Variants in SEMA4D observed in about 807,000 individuals in gnomAD.
The protein encoded by SEMA4D is semaphorin 4D.
Under a neutral mutation model 74.8 loss-of-function variants are expected in SEMA4D, and 22 were observed. The ratio of observed to expected loss-of-function variants is 0.29; its 90% CI spans 0.21 to 0.42. The LOEUF (loss-of-function observed/expected upper bound fraction) is 0.42. Ranked by LOEUF, SEMA4D falls within the 10% of genes least tolerant of loss-of-function variation. The pLI, the probability that SEMA4D is intolerant of heterozygous loss-of-function variation, is 1.00. For missense variants in SEMA4D, 937 were observed against 1,118.4 expected (o/e 0.84, Z 2.31); for synonymous variants, 445 against 463.7 (o/e 0.96, Z 0.52).
Position 89,456,958 on chromosome 9 carries a change from T to C in SEMA4D, c.-309-1005A>G, listed in dbSNP as rs568112745. Among the ~76,000 whole-genome samples the C allele has an allele frequency of 3.9e-5, 6 of 152,230 alleles. No individual in the cohort carries two copies. The East Asian group carries it at 1.2e-3, about 29-fold the overall frequency. On this transcript the variant is annotated intron_variant, in intron 1 of 15. Coordinates refer to ENST00000422704, the MANE Select transcript of SEMA4D (RefSeq NM_001371194.2). ...AATGCCCCTGCATTAAGGAGAAACA[T>C]GAATCAACACTCTGAGAAAATGCAA... is the stretch of plus-strand genomic sequence containing the variant.
chr9:89,461,700 C>CTTTTTTTTTTTTTTTTTTTTTT (rs61696689), intron 1 of SEMA4D, among the ~76,000 whole-genome samples: 1 of 103,660 alleles, frequency 9.6e-6, no homozygotes, highest in Admixed American at 1.1e-4. Flanking sequence ...TCTTTTTTCT[C>CTTTTTTTTTTTTTTTTTTTTTT]TTTTTTTTTT....
intron 1 of SEMA4D, among the ~76,000 whole-genome samples, chr9:89,487,962 C>G (rs1188905046): frequency 6.6e-6 from 1 of 152,164 alleles, no homozygotes; most frequent in Non-Finnish European, 1.5e-5. Flanking sequence ...TGGCCAAAAT[C>G]CAAGCAGGCT....
At chr9:89,399,707 G>A (rs1330493424) in intron 4 of SEMA4D, among the ~76,000 whole-genome samples, 1 of 152,028 alleles carries the variant, frequency 6.6e-6, no homozygotes, top group Non-Finnish European at 1.5e-5. Flanking sequence ...CATTCAAAGT[G>A]ACTCTACAGG....
At chr9:89,443,078 C>G (rs1852018213) in intron 2 of SEMA4D, among the ~76,000 whole-genome samples, 1 of 152,284 alleles carries the variant, frequency 6.6e-6, no homozygotes, top group East Asian at 1.9e-4. Context: ...CTGAAGCCTC[C>G]CAGGAGGAAG....
intron 2 of SEMA4D, among the ~76,000 whole-genome samples, chr9:89,420,841 T>A (rs1215276078): frequency 6.6e-6 from 1 of 152,258 alleles, no homozygotes; most frequent in Admixed American, 6.5e-5. Flanking sequence ...ATACTAATAC[T>A]GCCTGTCTCA....
chr9:89,377,338 A>G lies in SEMA4D; in HGVS notation c.*1366T>C, dbSNP rs1835956507. 3.0e-6 allele frequency: 1 copy of G among 333,140 alleles called. No homozygotes were observed. The highest frequency in any genetic ancestry group is 4.9e-5 in the Admixed American group (1 of 20,352). The allele number at this position is 333,140 out of a possible 1,614,324, so 20.6% of individuals were successfully genotyped here. A position where few individuals can be genotyped will look rare whatever the true frequency, so the allele number is the denominator to read the frequency against. On this transcript the variant is annotated 3_prime_UTR_variant, in exon 16 of 16. Coordinates refer to ENST00000422704, the MANE Select transcript of SEMA4D (RefSeq NM_001371194.2). Reference sequence around the variant, plus strand: ...AATCTTATAAAACACAAATGTTTACACCAAAATGGTCAAATCCTATCATGC... The same window carrying G: ...AATCTTATAAAACACAAATGTTTACGCCAAAATGGTCAAATCCTATCATGC...
At chr9:89,441,962 G>A (rs532201011) in intron 2 of SEMA4D, among the ~76,000 whole-genome samples, 17 of 152,334 alleles carry the variant, frequency 1.1e-4, no homozygotes, top group African/African-American at 3.1e-4. Flanking sequence ...CCATGGCTGT[G>A]TTTACACATT....
intron 4 of SEMA4D, among the ~76,000 whole-genome samples, chr9:89,401,222 A>ATT (rs34074489): frequency 1.3e-5 from 2 of 151,752 alleles, no homozygotes. Flanking sequence ...ACACCTGGCT[A>ATT]TTTTTTGCAG....
Position 89,378,755 on chromosome 9 carries a change from A to G in SEMA4D, c.2538T>C (p.Phe846=), listed in dbSNP as rs996083259. 6.2e-7 allele frequency: 1 copy of G among 1,614,062 alleles called. No individual in the cohort carries two copies. The highest frequency in any genetic ancestry group is 8.5e-7 in the Non-Finnish European group (1 of 1,180,044). The stretch of plus-strand genomic sequence containing the variant: ...CGAACTTCAGCTCACACTTGACGTC[A>G]AAGGGCTTGTCCCTGGCAGAAAGGT... ...IDDLSARDKP[F]DVKCELKFAD... The change falls in exon 16 of 16, where the codon TTT becomes TTC. Residue 846 remains phenylalanine (F), a synonymous_variant. Coordinates refer to ENST00000422704, the MANE Select transcript of SEMA4D (RefSeq NM_001371194.2).
At position 89,444,407 on chromosome 9, in the gene SEMA4D, C is replaced by A. The variant is rs1218612168; in HGVS notation, c.-244+11481G>T. On this transcript the variant is annotated intron_variant, in intron 2 of 15. Transcript: ENST00000422704. ...ACACAGCACATGAGGGGACTCCTCC[C>A]AGCTATCAGCACTTGCTCTGCAGCC... Among the ~76,000 whole-genome samples the A allele has an allele frequency of 2.0e-5, 3 of 152,334 alleles. No individual in the cohort carries two copies. In the South Asian group the frequency reaches 6.2e-4, roughly 32 times the overall value.
At chr9:89,473,178 ATAC>A (rs1218582996) in intron 1 of SEMA4D, among the ~76,000 whole-genome samples, 2 of 152,244 alleles carry the variant, frequency 1.3e-5, no homozygotes, top group African/African-American at 4.8e-5. Context: ...ATTGTAAATG[ATAC>A]TACATTTTGA....
intron 2 of SEMA4D, among the ~76,000 whole-genome samples, chr9:89,421,832 C>T (rs1236173673): frequency 1.3e-5 from 2 of 152,092 alleles, no homozygotes; most frequent in East Asian, 1.9e-4. Context: ...TGCACACAGG[C>T]TCATCAGAAG....
exon 19 of SEMA4D, chr9:89,362,290 G>T: frequency 6.3e-7 from 1 of 1,591,336 alleles, no homozygotes; most frequent in Non-Finnish European, 8.6e-7. Flanking sequence ...GCAGGCTTGG[G>T]CAAGACAGTT....
intron 16 of SEMA4D, chr9:89,364,025 G>C: frequency 3.1e-6 from 5 of 1,612,478 alleles, no homozygotes; most frequent in Non-Finnish European, 4.2e-6. Context: ...GGGTGCAGGG[G>C]GGTTACCTCT....
intron 2 of SEMA4D, among the ~76,000 whole-genome samples, chr9:89,447,725 C>T (rs1853299419): frequency 6.6e-6 from 1 of 151,866 alleles, no homozygotes; most frequent in Admixed American, 6.6e-5. Context: ...TCAAACTCCC[C>T]CACCCACCAC....
At chr9:89,466,567 T>G (rs920363132) in intron 1 of SEMA4D, among the ~76,000 whole-genome samples, 1 of 152,140 alleles carries the variant, frequency 6.6e-6, no homozygotes, top group African/African-American at 2.4e-5. Flanking sequence ...CAGTGCATCA[T>G]CGAGGGAGCA....
intron 6 of SEMA4D, among the ~76,000 whole-genome samples, chr9:89,395,129 A>G (rs77540207): frequency 0.037 from 5,698 of 152,294 alleles, 162 homozygotes; most frequent in South Asian, 0.11. Flanking sequence ...TTTATTAAAA[A>G]TATTAGGAAA....
intron 16 of SEMA4D, among the ~76,000 whole-genome samples, chr9:89,371,423 C>CTGGGGTGTGTGTG (rs1564498334): frequency 3.6e-5 from 1 of 27,966 alleles, no homozygotes; most frequent in Non-Finnish European, 6.5e-5. Flanking sequence ...TGGTGTGTGT[C>CTGGGGTGTGTGTG]TGGGGTGTGT....
chr9:89,364,105 GGCTTCCCCAT>G, intron 16 of SEMA4D: 1 of 1,501,006 alleles, frequency 6.7e-7, no homozygotes. Flanking sequence ...CCCTGGAGGT[GGCTTCCCCAT>G]GGCCAGCGGG....
Sources: gnomAD v4.1 joint callset for allele counts (sites outside exome capture counted in the v4.1 genomes callset) on GRCh38, gnomAD v4.1.1 for gene constraint, MANE v1.5 for transcripts, NCBI Gene and HGNC (gene_info 2026-07-23, HGNC 2026-07-21) for gene names.